The following UCHL3 variants were observed in gnomAD, a reference collection of about 807,000 sequenced individuals.
The protein encoded by UCHL3 is ubiquitin carboxyl-terminal hydrolase isozyme L3.
In UCHL3, 22 loss-of-function variants were observed where a neutral mutation model predicts 35.8. The ratio of observed to expected loss-of-function variants is 0.61; its 90% CI spans 0.44 to 0.88. UCHL3 has a LOEUF of 0.88. Among genes scored for constraint, UCHL3 ranks in the 40% least tolerant of loss-of-function variants. The probability of loss-of-function intolerance (pLI) is 0.00; values close to 1 mark genes in which losing one functional copy is unlikely to be tolerated. For synonymous variants in UCHL3, 90 were observed against 92.8 expected, an observed-to-expected ratio of 0.97 and a Z score of 0.17; for missense variants, 229 against 276.9, an observed-to-expected ratio of 0.83 and a Z score of 1.23.
At chr13:75,571,887 G>GA (rs927750724) in intron 6 of UCHL3, among the ~76,000 whole-genome samples, 74 of 148,370 alleles carry the variant, frequency 5.0e-4, no homozygotes, top group Middle Eastern at 3.4e-3. Context: ...GTGTTGGAGT[G>GA]AAAAAAAAAA....
At chr13:75,562,544 A>AT (rs2031551809) in intron 3 of UCHL3, among the ~76,000 whole-genome samples, 1 of 152,124 alleles carries the variant, frequency 6.6e-6, no homozygotes, top group Non-Finnish European at 1.5e-5. Context: ...TGAAAAAAAA[A>AT]TCAGTTGCCT....
At chr13:75,549,933 A>G in intron 1 of UCHL3, 43 bp from the exon 2 acceptor site, 1 of 1,614,194 alleles carries the variant, frequency 6.2e-7, no homozygotes, top group Non-Finnish European at 8.5e-7. Context: ...CCGCGAGTCC[A>G]CGGTGGTTTG....
intron 8 of UCHL3, among the ~76,000 whole-genome samples, chr13:75,605,103 C>A (rs2032899085): frequency 1.3e-5 from 2 of 152,130 alleles, no homozygotes; most frequent in South Asian, 4.1e-4. Context: ...TCCAGGATAC[C>A]ATTAATTGTA....
intron 4 of UCHL3, 151 bp downstream of exon 4, chr13:75,567,002 A>G: frequency 9.9e-7 from 1 of 1,009,334 alleles, no homozygotes; most frequent in South Asian, 1.8e-5. Flanking sequence ...TGTTAGAAGA[A>G]ATATTAATCC....
intron 3 of UCHL3, among the ~76,000 whole-genome samples, 176 bp from the exon 4 acceptor site, chr13:75,566,519 A>G (rs905025387): frequency 2.0e-5 from 3 of 152,186 alleles, no homozygotes; most frequent in Non-Finnish European, 4.4e-5. Flanking sequence ...TTCACTGGCT[A>G]CTGCTATTCA....
chr13:75,570,876 C>T (rs1411724375), intron 6 of UCHL3, among the ~76,000 whole-genome samples: 4 of 152,136 alleles, frequency 2.6e-5, no homozygotes, highest in Non-Finnish European at 5.9e-5. Context: ...TGCACCATTA[C>T]ACTCCAGCAT....
intron 2 of UCHL3, among the ~76,000 whole-genome samples, chr13:75,551,231 T>C (rs2031094409): frequency 6.6e-6 from 1 of 151,508 alleles, no homozygotes; most frequent in Admixed American, 6.6e-5. Context: ...AGGTCAGGAG[T>C]TCGAGACCAG....
chr13:75,560,984 G>A, intron 3 of UCHL3, 103 bp downstream of exon 3: 2 of 1,113,756 alleles, frequency 1.8e-6, no homozygotes, highest in Non-Finnish European at 2.4e-6. Flanking sequence ...AGGCTGGAGT[G>A]CAGAGGTGTA....
chr13:75,576,205 T>C (rs1014090819), intron 6 of UCHL3, among the ~76,000 whole-genome samples: 2 of 152,090 alleles, frequency 1.3e-5, no homozygotes, highest in African/African-American at 4.8e-5. Context: ...CAGTTACTCC[T>C]GAATTTTATT....
At chr13:75,589,947 C>A (rs1289282048) in intron 6 of UCHL3, 19 of 1,303,112 alleles carry the variant, frequency 1.5e-5, no homozygotes, top group Non-Finnish European at 1.9e-5. Flanking sequence ...GTCCTCCTCG[C>A]CATCCTCATC....
chr13:75,584,968 A>G (rs4885319), intron 6 of UCHL3, among the ~76,000 whole-genome samples: 66,816 of 151,580 alleles, frequency 0.44, 16,234 homozygotes, highest in East Asian at 0.63. Flanking sequence ...CAAAACAAAC[A>G]GTGCATCCAA....
At chr13:75,577,563 G>A (rs1376488314) in intron 6 of UCHL3, among the ~76,000 whole-genome samples, 1 of 152,164 alleles carries the variant, frequency 6.6e-6, no homozygotes, top group Non-Finnish European at 1.5e-5. Flanking sequence ...CTCCAACTGA[G>A]ACCTTTCTGA....
At chr13:75,566,985 T>C in intron 4 of UCHL3, 134 bp downstream of exon 4, 3 of 1,060,902 alleles carry the variant, frequency 2.8e-6, no homozygotes, top group Non-Finnish European at 4.0e-6. Context: ...GATGGGAATG[T>C]ATATACTGTT....
chr13:75,584,549 A>G (rs558084884), intron 6 of UCHL3, among the ~76,000 whole-genome samples: 1 of 152,300 alleles, frequency 6.6e-6, no homozygotes, highest in South Asian at 2.1e-4. Context: ...AGACACGCCC[A>G]TTTTTAGGCA....
At chr13:75,554,236 A>AT (rs895645468) in intron 2 of UCHL3, among the ~76,000 whole-genome samples, 2 of 151,956 alleles carry the variant, frequency 1.3e-5, no homozygotes, top group Non-Finnish European at 2.9e-5. Context: ...TAATTTTTGT[A>AT]TTTTTTGTAG....
chr13:75,579,257 C>T (rs1036087157), intron 6 of UCHL3, among the ~76,000 whole-genome samples: 7 of 152,040 alleles, frequency 4.6e-5, no homozygotes, highest in East Asian at 1.9e-4. Context: ...AAGAATCAGG[C>T]GGAAACAATA....
At chr13:75,590,390 T>G (rs1415719726) in intron 6 of UCHL3, among the ~76,000 whole-genome samples, 1 of 152,168 alleles carries the variant, frequency 6.6e-6, no homozygotes, top group African/African-American at 2.4e-5. Context: ...TGATCCACAT[T>G]CATGATAATG....
intron 6 of UCHL3, among the ~76,000 whole-genome samples, chr13:75,576,899 CA>C (rs2138519501): frequency 6.6e-6 from 1 of 152,222 alleles, no homozygotes; most frequent in East Asian, 1.9e-4. Context: ...TGAATGTATA[CA>C]GTTGGCCCGC....
At chr13:75,576,712 AAATTAAT>A (rs1320712483) in intron 6 of UCHL3, among the ~76,000 whole-genome samples, 1 of 152,190 alleles carries the variant, frequency 6.6e-6, no homozygotes, top group Non-Finnish European at 1.5e-5. Flanking sequence ...TGTGTTACAA[AAATTAAT>A]AATAGACATA....
Sources: allele counts gnomAD v4.1 joint callset (sites outside exome capture counted in the v4.1 genomes callset), GRCh38; gene constraint gnomAD v4.1.1; transcripts MANE v1.5; gene names NCBI Gene and HGNC (gene_info 2026-07-23, HGNC 2026-07-21).